KCNQ1OT1: variants seen among roughly 807,000 people sequenced by gnomAD.
The protein encoded by KCNQ1OT1 is KCNQ1 antisense RNA 2 (non-protein coding).
chr11:2,613,075 C>A lies in KCNQ1OT1; in HGVS notation n.86920G>T, dbSNP rs188619891. On this transcript the variant is annotated non_coding_transcript_exon_variant, in exon 1 of 1. Transcript: ENST00000597346. The surrounding 1 kb of genome is among the most constrained non-coding windows in gnomAD (Gnocchi z 4.8). ...CCCTGGATCAGCATAACCTAGTGGT[C>A]AAGCCATGATTAGTCAGACATTTGT... 2.5e-6 allele frequency: 1 copy of A among 398,542 alleles called. No individual in the cohort carries two copies. Among genetic ancestry groups the A allele is most frequent in the South Asian group, 1.3e-4 (1 of 7,834 alleles). 24.7% of individuals were successfully genotyped at this position (398,542 alleles called of 1,614,324 possible).
In KCNQ1OT1 at chr11:2,645,669, C is replaced by T. The variant is rs997616919; in HGVS notation, n.54326G>A. On this transcript the variant is annotated non_coding_transcript_exon_variant, in exon 1 of 1. Coordinates refer to ENST00000597346, the Ensembl canonical transcript of KCNQ1OT1. This position sits in a 1 kb window ranked among gnomAD's most constrained non-coding sequence, Gnocchi z 5.8. ...TGCTTCGGAGGTAGCAGAGTATTGC[C>T]AATGGCTCATGCTTTGGCCTGGAGG... The T allele has an allele frequency of 2.0e-5, 8 of 398,594 alleles. No individual in the cohort carries two copies. Among genetic ancestry groups the T allele is most frequent in the African/African-American group, 1.6e-4 (8 of 48,616 alleles). The allele number at this position is 398,594 out of a possible 1,614,324, so 24.7% of individuals were successfully genotyped here. A position where few individuals can be genotyped will look rare whatever the true frequency, so the allele number is the denominator to read the frequency against.
Position 2,695,633 on chromosome 11 carries a change from G to C in KCNQ1OT1, n.4362C>G, listed in dbSNP as rs1182914605. ...AGCATGTTTACTTAGGAGGGAAACT[G>C]CTGGGCCACAGGTATAAAATATTTT... On this transcript the variant is annotated non_coding_transcript_exon_variant, in exon 1 of 1. Coordinates refer to ENST00000597346, the Ensembl canonical transcript of KCNQ1OT1. The surrounding 1 kb of genome is among the most constrained non-coding windows in gnomAD (Gnocchi z 5.2). The C allele has an allele frequency of 2.5e-6, 1 of 398,458 alleles. No homozygotes were observed. The highest frequency in any genetic ancestry group is 4.4e-6 in the Non-Finnish European group (1 of 226,080). The allele number at this position is 398,458 out of a possible 1,614,324, so 24.7% of individuals were successfully genotyped here. A position where few individuals can be genotyped will look rare whatever the true frequency, so the allele number is the denominator to read the frequency against.
rs1849958522 is a variant in KCNQ1OT1 at position 2,661,671 on chromosome 11, C to T, written n.38324G>A. 1.7e-6 allele frequency: 1 copy of T among 596,926 alleles called. No individual in the cohort carries two copies. Among genetic ancestry groups the T allele is most frequent in the African/African-American group, 1.9e-5 (1 of 53,932 alleles). 37.0% of individuals were successfully genotyped at this position (596,926 alleles called of 1,614,324 possible). A position where few individuals can be genotyped will look rare whatever the true frequency, so the allele number is the denominator to read the frequency against. ...GTGAACATGGGAAGAGGCCCAGAAC[C>T]TGAGGTGGGGAGAGTCTTGGACACC... On this transcript the variant is annotated non_coding_transcript_exon_variant, in exon 1 of 1. Transcript: ENST00000597346. The surrounding 1 kb of genome is among the most constrained non-coding windows in gnomAD (Gnocchi z 5.9).
rs1184610918 is a variant in KCNQ1OT1, at chr11:2,659,106, G to C, written n.40889C>G. On this transcript the variant is annotated non_coding_transcript_exon_variant, in exon 1 of 1. Transcript: ENST00000597346. The surrounding 1 kb of genome is among the most constrained non-coding windows in gnomAD (Gnocchi z 4.3). ...CATCGTAGGGTCCTCCAACATCCGG[G>C]TTAATTTTTTAAATTTGCATACAGT... The C allele has an allele frequency of 5.0e-6, 2 of 398,436 alleles. No homozygotes were observed. The highest frequency in any genetic ancestry group is 4.1e-5 in the African/African-American group (2 of 48,618). 24.7% of individuals were successfully genotyped at this position (398,436 alleles called of 1,614,324 possible).
exon 1 of KCNQ1OT1, chr11:2,699,643 C>CCGCGCCGAAGAACCCCCGGTGAG: frequency 2.7e-6 from 1 of 367,016 alleles, no homozygotes; most frequent in South Asian, 1.4e-4. Context: ...CCCCCGGGGA[C>CCGCGCCGAAGAACCCCCGGTGAG]AACCGCGCCG....
Position 2,670,621 on chromosome 11 carries a change from T to G in KCNQ1OT1, n.29374A>C. ...CAGACACACAATCTCTGGGGGAGCC[T>G]GGATATGCATGGCAGAGGCCAGGAT... On this transcript the variant is annotated non_coding_transcript_exon_variant, in exon 1 of 1. Transcript: ENST00000597346. The surrounding 1 kb of genome is among the most constrained non-coding windows in gnomAD (Gnocchi z 4.9). 2.5e-6 allele frequency: 1 copy of G among 398,350 alleles called. No homozygotes were observed. The highest frequency in any genetic ancestry group is 3.6e-5 in the East Asian group (1 of 28,064). The allele number at this position is 398,350 out of a possible 1,614,324, so 24.7% of individuals were successfully genotyped here.
chr11:2,669,693 G>A lies in KCNQ1OT1; in HGVS notation n.30302C>T. On this transcript the variant is annotated non_coding_transcript_exon_variant, in exon 1 of 1. Transcript: ENST00000597346. This position sits in a 1 kb window ranked among gnomAD's most constrained non-coding sequence, Gnocchi z 5.6. ...TAGTGTAAGGCCTTGAGGAGATGGTGTTAGGCATCCAGCCACATACCTGAC... is the reference window on the plus strand; with the variant it reads ...TAGTGTAAGGCCTTGAGGAGATGGTATTAGGCATCCAGCCACATACCTGAC... The A allele has an allele frequency of 2.5e-6, 1 of 398,660 alleles. No individual in the cohort carries two copies. The highest frequency in any genetic ancestry group is 4.4e-6 in the Non-Finnish European group (1 of 226,094). The allele number at this position is 398,660 out of a possible 1,614,324, so 24.7% of individuals were successfully genotyped here.
Position 2,647,156 on chromosome 11 carries a change from T to C in KCNQ1OT1, n.52839A>G, listed in dbSNP as rs898321892. On this transcript the variant is annotated non_coding_transcript_exon_variant, in exon 1 of 1. Transcript: ENST00000597346. The surrounding 1 kb of genome is among the most constrained non-coding windows in gnomAD (Gnocchi z 4.0). ...TGAGTTATGTTCCTTCTAGACATTATGTGATGAGCTTTTTTTTTTATCATG... is the reference window on the plus strand; with the variant it reads ...TGAGTTATGTTCCTTCTAGACATTACGTGATGAGCTTTTTTTTTTATCATG... The C allele has an allele frequency of 2.3e-5, 9 of 398,186 alleles. No individual in the cohort carries two copies. Among genetic ancestry groups the C allele is most frequent in the Non-Finnish European group, 3.5e-5 (8 of 226,034 alleles). The allele number at this position is 398,186 out of a possible 1,614,324, so 24.7% of individuals were successfully genotyped here. A position where few individuals can be genotyped will look rare whatever the true frequency, so the allele number is the denominator to read the frequency against.
At chr11:2,644,313 A>G in exon 1 of KCNQ1OT1, 1 of 398,272 alleles carries the variant, frequency 2.5e-6, no homozygotes, top group Non-Finnish European at 4.4e-6. Flanking sequence ...ATTTCAAAAG[A>G]CTTATCTTCA....
Position 2,633,473 on chromosome 11 carries a change from C to T in KCNQ1OT1, n.66522G>A, listed in dbSNP as rs373192179. The stretch of plus-strand genomic sequence containing the variant: ...ACCCATATCCTGAAGGGTTTCCCTT[C>T]TGTTTTCTTCTAGTACTGTTTGCTT... On this transcript the variant is annotated non_coding_transcript_exon_variant, in exon 1 of 1. Coordinates refer to ENST00000597346, the Ensembl canonical transcript of KCNQ1OT1. The T allele has an allele frequency of 3.1e-4, 122 of 398,398 alleles. No individual in the cohort carries two copies. Among genetic ancestry groups the T allele is most frequent in the African/African-American group, 2.3e-3 (113 of 48,632 alleles). The allele number at this position is 398,398 out of a possible 1,614,324, so 24.7% of individuals were successfully genotyped here.
At chr11:2,681,759 GGGGCCCT>G in exon 1 of KCNQ1OT1, 1 of 398,408 alleles carries the variant, frequency 2.5e-6, no homozygotes, top group Non-Finnish European at 4.4e-6. Context: ...GGGCACTGTG[GGGGCCCT>G]GGGACCTGGG....
Position 2,617,886 on chromosome 11 carries a change from T to A in KCNQ1OT1, n.82109A>T. On this transcript the variant is annotated non_coding_transcript_exon_variant, in exon 1 of 1. Transcript: ENST00000597346. This position sits in a 1 kb window ranked among gnomAD's most constrained non-coding sequence, Gnocchi z 4.6. The stretch of plus-strand genomic sequence containing the variant: ...GCCCATTTTTTAATTGGGTTATCTA[T>A]TTTCTTGTTATTGAGTTGTATGCAT... The A allele has an allele frequency of 2.5e-6, 1 of 398,580 alleles. No individual in the cohort carries two copies. Among genetic ancestry groups the A allele is most frequent in the Non-Finnish European group, 4.4e-6 (1 of 226,044 alleles). The allele number at this position is 398,580 out of a possible 1,614,324, so 24.7% of individuals were successfully genotyped here.
exon 1 of KCNQ1OT1, chr11:2,625,198 G>A: frequency 2.5e-6 from 1 of 398,576 alleles, no homozygotes; most frequent in Non-Finnish European, 4.4e-6. Context: ...CCCACTAACA[G>A]TGCACAAGGA....
exon 1 of KCNQ1OT1, chr11:2,686,029 C>T (rs1035699587): frequency 8.8e-5 from 35 of 399,116 alleles, no homozygotes; most frequent in African/African-American, 6.2e-4. Flanking sequence ...CTCTAAGCCC[C>T]GCCAGCTCGC....
In KCNQ1OT1 at chr11:2,645,899, C is replaced by A; in HGVS notation, n.54096G>T. ...GTGATCTCCCTCTCTGGGAGCTGTT[C>A]ATTGCCATTTCACAGTCTGTAGGTA... is the stretch of plus-strand genomic sequence containing the variant. On this transcript the variant is annotated non_coding_transcript_exon_variant, in exon 1 of 1. Transcript: ENST00000597346. The surrounding 1 kb of genome is among the most constrained non-coding windows in gnomAD (Gnocchi z 5.8). 1 of 398,614 alleles carries A rather than the reference C, an allele frequency of 2.5e-6. No homozygotes were observed. The highest frequency in any genetic ancestry group is 1.3e-4 in the South Asian group (1 of 7,826). The allele number at this position is 398,614 out of a possible 1,614,324, so 24.7% of individuals were successfully genotyped here.
rs1026776940 is a variant in KCNQ1OT1 at position 2,687,071 on chromosome 11, T to C, written n.12924A>G. The C allele has an allele frequency of 2.5e-6, 1 of 398,636 alleles. No individual in the cohort carries two copies. The highest frequency in any genetic ancestry group is 4.4e-6 in the Non-Finnish European group (1 of 226,068). 24.7% of individuals were successfully genotyped at this position (398,636 alleles called of 1,614,324 possible). On this transcript the variant is annotated non_coding_transcript_exon_variant, in exon 1 of 1. Transcript: ENST00000597346. This position sits in a 1 kb window ranked among gnomAD's most constrained non-coding sequence, Gnocchi z 5.0. ...TGGGGGACAAGGACCCACAAAGTGA[T>C]GCAAGATATCCTGAGTTGGGTGTGA...
exon 1 of KCNQ1OT1, chr11:2,672,588 T>TG (rs1850206246): frequency 2.5e-6 from 1 of 398,534 alleles, no homozygotes; most frequent in African/African-American, 2.1e-5. Flanking sequence ...GAATTTTGAT[T>TG]GGGAAAGCAT....
At position 2,635,236 on chromosome 11, in the gene KCNQ1OT1, T is replaced by G. The variant is rs1343677172; in HGVS notation, n.64759A>C. 7 of 152,226 alleles carry G rather than the reference T, an allele frequency of 4.6e-5. No homozygotes were observed. In the East Asian group the frequency reaches 1.3e-3, roughly 29 times the overall value. 9.4% of individuals were successfully genotyped at this position (152,226 alleles called of 1,614,324 possible). On this transcript the variant is annotated non_coding_transcript_exon_variant, in exon 1 of 1. Transcript: ENST00000597346. ...TTTTGTTGCCATTGCTTTTGGTGTT[T>G]TAGACATGAAGTCCTTGCCCATGCC...
chr11:2,666,271 G>A (rs1411285742), exon 1 of KCNQ1OT1: 1 of 398,602 alleles, frequency 2.5e-6, no homozygotes, highest in African/African-American at 2.1e-5. Context: ...CCCCGAGGCT[G>A]GGCAGAGGGG....
Sources: gnomAD v4.1 joint callset for allele counts on GRCh38, gnomAD v4.1.1 for gene constraint, Gnocchi (gnomAD v3.1) non-coding constraint, MANE v1.5 for transcripts, NCBI Gene and HGNC (gene_info 2026-07-23, HGNC 2026-07-21) for gene names.